ULK2: variants seen among roughly 807,000 people sequenced by gnomAD.
The protein encoded by ULK2 is unc-51 like autophagy activating kinase 2, also known as serine/threonine-protein kinase ULK2.
A neutral mutation model predicts 127.5 loss-of-function variants in ULK2; 76 were observed. The observed-to-expected ratio is 0.60, with a 90% CI of 0.50 to 0.72. ULK2 has a LOEUF of 0.72. ULK2 is among the 30% of genes least tolerant of loss of function. The probability of loss-of-function intolerance (pLI) is 0.00; values close to 1 mark genes in which losing one functional copy is unlikely to be tolerated. For missense variants in ULK2, 1,144 were observed against 1,295.9 expected (o/e 0.88, Z 1.80); for synonymous variants, 452 against 461.9 (o/e 0.98, Z 0.28).
chr17:19,857,721 G>A (rs1176438503), intron 3 of ULK2, among the ~76,000 whole-genome samples: 3 of 152,062 alleles, frequency 2.0e-5, no homozygotes, highest in Non-Finnish European at 4.4e-5. Flanking sequence ...AAACAAAAAC[G>A]GTATCACTCT....
At chr17:19,842,913 A>G (rs763175319) in intron 8 of ULK2, among the ~76,000 whole-genome samples, 9 of 152,332 alleles carry the variant, frequency 5.9e-5, no homozygotes, top group Non-Finnish European at 1.0e-4. Context: ...CTTCATGCCC[A>G]GTCCAACTAC....
intron 3 of ULK2, among the ~76,000 whole-genome samples, chr17:19,857,002 A>G (rs2042146316): frequency 1.3e-5 from 2 of 148,590 alleles, no homozygotes; most frequent in Admixed American, 6.7e-5. Context: ...AAAAAAAAAA[A>G]AAGAGTTTTA....
intron 3 of ULK2, among the ~76,000 whole-genome samples, chr17:19,853,603 A>G (rs2042063893): frequency 7.0e-6 from 1 of 142,078 alleles, no homozygotes; most frequent in Non-Finnish European, 1.5e-5. Flanking sequence ...CAAGAGTCTC[A>G]CTCTATTGCC....
rs1197915344 is a variant in ULK2 at position 19,808,562 on chromosome 17, C to G, written c.1157+1816G>C. Among the ~76,000 whole-genome samples the G allele has an allele frequency of 2.6e-5, 4 of 152,148 alleles. No individual in the cohort carries two copies. In the East Asian group the frequency reaches 7.7e-4, roughly 29 times the overall value. ...GCTAATATCCAAAATATACAGAGAACTCTTACAACCCAACAACAAAAACCC... is the reference window on the plus strand; with the variant it reads ...GCTAATATCCAAAATATACAGAGAAGTCTTACAACCCAACAACAAAAACCC... On this transcript the variant is annotated intron_variant, in intron 14 of 26. Coordinates refer to ENST00000395544, the MANE Select transcript of ULK2 (RefSeq NM_014683.4).
intron 20 of ULK2, among the ~76,000 whole-genome samples, chr17:19,795,347 TAAAAA>T (rs755484577): frequency 1.4e-4 from 12 of 82,768 alleles, no homozygotes; most frequent in Middle Eastern, 0.011. Flanking sequence ...ACCCTACTGA[TAAAAA>T]AAAAAAAAAA....
At chr17:19,841,379 A>G (rs550658264) in intron 9 of ULK2, 110 bp downstream of exon 9, 2 of 1,098,728 alleles carry the variant, frequency 1.8e-6, no homozygotes, top group Non-Finnish European at 2.6e-6. Flanking sequence ...ATGCTTTCAC[A>G]TTATCAACTG....
intron 14 of ULK2, among the ~76,000 whole-genome samples, chr17:19,808,868 T>A (rs978150094): frequency 2.0e-5 from 3 of 152,122 alleles, no homozygotes; most frequent in Non-Finnish European, 4.4e-5. Flanking sequence ...TTTAGCCAAT[T>A]CCTGAAAAAA....
At chr17:19,786,203 C>G in intron 20 of ULK2, 117 bp from the exon 21 acceptor site, 1 of 861,224 alleles carries the variant, frequency 1.2e-6, no homozygotes, top group African/African-American at 1.8e-5. Context: ...TTTTTTTTTC[C>G]CTCTTCTTAC....
chr17:19,797,564 A>T lies in ULK2; in HGVS notation c.1641T>A (p.Ser547=), dbSNP rs761095465. 69 of 1,613,784 alleles carry T rather than the reference A, an allele frequency of 4.3e-5. No individual in the cohort carries two copies. Among genetic ancestry groups the T allele is most frequent in the Admixed American group, 8.3e-5 (5 of 59,990 alleles). ...CAGTATGGGATGGGCACACGGGGTC[A>T]GAGTGCTGTTTTCTGAGCTTCTGCT... ...QNKQKLRKQH[S]DPVCPSHTGA... Residue 547 remains serine, a synonymous_variant, in exon 18 of 27, where the codon TCT becomes TCA. Transcript: ENST00000395544.
intron 21 of ULK2, 135 bp from the exon 22 acceptor site, chr17:19,784,040 G>A (rs2086976517): frequency 1.6e-6 from 1 of 610,018 alleles, no homozygotes. Context: ...GACCCCCTAT[G>A]TACTATTTGA....
At chr17:19,848,709 G>A (rs749271436) in intron 5 of ULK2, among the ~76,000 whole-genome samples, 10 of 151,952 alleles carry the variant, frequency 6.6e-5, no homozygotes, top group South Asian at 2.1e-4. Flanking sequence ...CCCAGGAGGC[G>A]GAGGTTGCAG....
intron 3 of ULK2, among the ~76,000 whole-genome samples, chr17:19,850,293 C>A (rs2041984559): frequency 1.3e-5 from 2 of 152,112 alleles, no homozygotes. Context: ...GCATTATCAG[C>A]AATTGGTGGC....
chr17:19,841,311 GTACAGCACT>G (rs1228140640), intron 9 of ULK2, among the ~76,000 whole-genome samples, 169 bp downstream of exon 9: 1 of 152,116 alleles, frequency 6.6e-6, no homozygotes, highest in African/African-American at 2.4e-5. Context: ...AAAGAAAAGA[GTACAGCACT>G]ACACAGACAC....
At chr17:19,825,777 C>T (rs765626763) in intron 11 of ULK2, among the ~76,000 whole-genome samples, 2 of 144,506 alleles carry the variant, frequency 1.4e-5, no homozygotes, top group Admixed American at 7.0e-5. Context: ...ACCTGAGGTC[C>T]GGAGTTCGAG....
intron 5 of ULK2, among the ~76,000 whole-genome samples, chr17:19,847,379 C>T (rs918394274): frequency 2.6e-5 from 4 of 152,158 alleles, no homozygotes; most frequent in Admixed American, 1.3e-4. Context: ...TACTGCTACC[C>T]GTGCCTGTGA....
In ULK2 at chr17:19,816,855, G is replaced by C. The variant is rs150765872; in HGVS notation, c.990C>G (p.Asn330Lys). 7.3e-5 allele frequency: 117 copies of C among 1,612,644 alleles called. No individual in the cohort carries two copies. In the African/African-American group the frequency reaches 1.1e-3, roughly 15 times the overall value. The change falls in exon 13 of 27, where the codon AAC becomes AAG. Residue 330 changes from asparagine (N) to lysine (K), a missense_variant. Coordinates refer to ENST00000395544, the MANE Select transcript of ULK2 (RefSeq NM_014683.4). ...CAGAATCTTTGGAAACTTGTAGATA[G>C]TTGGGAGGACCCAATGGTGGGGAAG... ...NLSSPPLGPP[N>K]YLQVSKDSAS...
chr17:19,794,119 A>C (rs1200339203), intron 20 of ULK2, among the ~76,000 whole-genome samples: 1 of 152,200 alleles, frequency 6.6e-6, no homozygotes, highest in Non-Finnish European at 1.5e-5. Context: ...CAAGGAAAGA[A>C]TCAGTGAGAT....
chr17:19,841,340 G>T, intron 9 of ULK2, 149 bp downstream of exon 9: 1 of 735,450 alleles, frequency 1.4e-6, no homozygotes, highest in Non-Finnish European at 2.2e-6. Context: ...CCTATGATGT[G>T]CCAGCAATTT....
intron 16 of ULK2, among the ~76,000 whole-genome samples, chr17:19,800,093 C>T (rs2152386172): frequency 6.6e-6 from 1 of 152,002 alleles, no homozygotes; most frequent in East Asian, 1.9e-4. Flanking sequence ...CTGGCTGAAA[C>T]CTTCTCAGAC....
Sources: allele counts gnomAD v4.1 joint callset (sites outside exome capture counted in the v4.1 genomes callset), GRCh38; gene constraint gnomAD v4.1.1; transcripts MANE v1.5; gene names NCBI Gene and HGNC (gene_info 2026-07-23, HGNC 2026-07-21).